The following GALNT13 variants were observed in gnomAD, a reference collection of about 807,000 sequenced individuals.
GALNT13 encodes UDP-GalNAc:polypeptide N-acetylgalactosaminyltransferase 13.
GALNT13 carries 28 observed loss-of-function variants against 64.2 expected under a neutral mutation model. That is an observed-to-expected ratio of 0.44 (90% CI 0.32 to 0.60). GALNT13 has a LOEUF of 0.60. Among genes scored for constraint, GALNT13 ranks in the 20% least tolerant of loss-of-function variants. The probability of loss-of-function intolerance (pLI) is 0.05; values close to 1 mark genes in which losing one functional copy is unlikely to be tolerated. For missense variants in GALNT13, 577 were observed against 669.8 expected, an observed-to-expected ratio of 0.86 and a Z score of 1.53; for synonymous variants, 214 against 224.6, an observed-to-expected ratio of 0.95 and a Z score of 0.42.
intron 3 of GALNT13, among the ~76,000 whole-genome samples, chr2:154,076,149 A>G (rs957390477): frequency 4.6e-5 from 7 of 151,618 alleles, no homozygotes; most frequent in African/African-American, 1.2e-4. Flanking sequence ...ATTAATTCCT[A>G]TTGGAATTTT....
In GALNT13 at chr2:154,382,050, T is replaced by G. The variant is rs116195556; in HGVS notation, c.1157-13941T>G. Among the ~76,000 whole-genome samples, 802 of 152,240 alleles carry G rather than the reference T, an allele frequency of 5.3e-3. 9 individuals are homozygous for G. The highest frequency in any genetic ancestry group is 0.018 in the African/African-American group (764 of 41,564). Reference sequence around the variant, plus strand: ...CAGCTATGATATAATTCAAAATGTTTTCCTTTCCCCTAGACAAATGAAAAC... The same window carrying G: ...CAGCTATGATATAATTCAAAATGTTGTCCTTTCCCCTAGACAAATGAAAAC... On this transcript the variant is annotated intron_variant, in intron 9 of 12. Coordinates refer to ENST00000392825, the MANE Select transcript of GALNT13 (RefSeq NM_052917.4).
chr2:154,264,952 T>G (rs1398619307), intron 8 of GALNT13, among the ~76,000 whole-genome samples: 5 of 150,490 alleles, frequency 3.3e-5, no homozygotes, highest in South Asian at 2.1e-4. Context: ...ATATTCCACA[T>G]ATATGATACC....
At chr2:154,411,217 A>G (rs1210351785) in intron 11 of GALNT13, among the ~76,000 whole-genome samples, 2 of 151,806 alleles carry the variant, frequency 1.3e-5, no homozygotes, top group African/African-American at 4.8e-5. Flanking sequence ...TAAGCATAAA[A>G]TCTATCCCTA....
intron 3 of GALNT13, among the ~76,000 whole-genome samples, chr2:154,128,263 G>T (rs1205541658): frequency 6.6e-6 from 1 of 151,980 alleles, no homozygotes; most frequent in East Asian, 1.9e-4. Flanking sequence ...TATTAAATAA[G>T]TGTTGACTTA....
At chr2:153,540,134 G>T in the GALNT13 span, among the ~76,000 whole-genome samples, 4 of 152,210 alleles carry the variant, frequency 2.6e-5, no homozygotes, top group Non-Finnish European at 5.9e-5. Context: ...TCGGTTCTGT[G>T]GGCCTGGTCC....
chr2:154,012,547 G>T (rs535075829), intron 3 of GALNT13, among the ~76,000 whole-genome samples: 2 of 152,200 alleles, frequency 1.3e-5, no homozygotes, highest in South Asian at 4.2e-4. Flanking sequence ...GTACCTTGGG[G>T]ATGGTTGTCT....
the GALNT13 span, among the ~76,000 whole-genome samples, chr2:153,494,310 T>C: frequency 6.6e-6 from 1 of 152,060 alleles, no homozygotes; most frequent in Admixed American, 6.5e-5. Flanking sequence ...AAAATGTATG[T>C]AGAAATCAAA....
intron 1 of GALNT13, among the ~76,000 whole-genome samples, chr2:153,898,752 G>T (rs760300902): frequency 4.0e-5 from 6 of 149,964 alleles, no homozygotes; most frequent in Non-Finnish European, 7.4e-5. Flanking sequence ...AATAGCATGT[G>T]ATTATAGGAA....
chr2:153,715,193 T>C, the GALNT13 span, among the ~76,000 whole-genome samples: 1 of 152,246 alleles, frequency 6.6e-6, no homozygotes, highest in Non-Finnish European at 1.5e-5. Context: ...GGGATGTGTA[T>C]AATTTATTAT....
the GALNT13 span, among the ~76,000 whole-genome samples, chr2:153,537,319 A>G: frequency 6.6e-6 from 1 of 152,198 alleles, no homozygotes; most frequent in African/African-American, 2.4e-5. Flanking sequence ...GGCAGAGACA[A>G]GCTCTTTTTA....
intron 9 of GALNT13, among the ~76,000 whole-genome samples, chr2:154,393,937 G>A (rs572292862): frequency 6.7e-6 from 1 of 150,182 alleles, no homozygotes; most frequent in Non-Finnish European, 1.5e-5. Context: ...AATTAGCCGG[G>A]CGTAGTGGCG....
the GALNT13 span, among the ~76,000 whole-genome samples, chr2:153,160,637 A>G: frequency 6.6e-6 from 1 of 152,204 alleles, no homozygotes; most frequent in Non-Finnish European, 1.5e-5. Context: ...AGAGAGAAGC[A>G]TGTGTCCATA....
the GALNT13 span, among the ~76,000 whole-genome samples, chr2:153,858,230 C>T: frequency 6.6e-6 from 1 of 152,214 alleles, no homozygotes; most frequent in African/African-American, 2.4e-5. Flanking sequence ...AATGCAAAGG[C>T]CCTAAGGCCC....
the GALNT13 span, among the ~76,000 whole-genome samples, chr2:153,242,053 G>A: frequency 2.0e-5 from 3 of 152,080 alleles, no homozygotes; most frequent in Admixed American, 1.3e-4. Flanking sequence ...GCAATTTGGG[G>A]GCTCATGTCA....
At chr2:153,266,380 C>T in the GALNT13 span, among the ~76,000 whole-genome samples, 118 of 152,244 alleles carry the variant, frequency 7.8e-4, 1 homozygote, top group Admixed American at 1.9e-3. Context: ...AATGTAAATT[C>T]GTGTTGGAGT....
intron 4 of GALNT13, among the ~76,000 whole-genome samples, chr2:154,153,009 G>C (rs1394739581): frequency 6.6e-6 from 1 of 152,136 alleles, no homozygotes; most frequent in Admixed American, 6.5e-5. Flanking sequence ...GAGGCGCTCT[G>C]CTTTTTAGAG....
At chr2:153,782,153 G>T in the GALNT13 span, among the ~76,000 whole-genome samples, 1 of 152,296 alleles carries the variant, frequency 6.6e-6, no homozygotes, top group East Asian at 1.9e-4. Context: ...CTGAGGTACA[G>T]TCATATATGG....
chr2:153,560,807 T>A, the GALNT13 span, among the ~76,000 whole-genome samples: 1 of 152,110 alleles, frequency 6.6e-6, no homozygotes, highest in African/African-American at 2.4e-5. Flanking sequence ...TTCATACTTA[T>A]TCTTTTTTAA....
At chr2:153,903,288 G>T (rs975158504) in intron 2 of GALNT13, among the ~76,000 whole-genome samples, 1 of 151,940 alleles carries the variant, frequency 6.6e-6, no homozygotes, top group Non-Finnish European at 1.5e-5. Flanking sequence ...GTAAAAGAAC[G>T]CATTTTAAAG....
Sources: allele counts gnomAD v4.1 joint callset (sites outside exome capture counted in the v4.1 genomes callset), GRCh38; gene constraint gnomAD v4.1.1; transcripts MANE v1.5; gene names NCBI Gene and HGNC (gene_info 2026-07-23, HGNC 2026-07-21).